Variants in ATRNL1 observed in about 807,000 individuals in gnomAD.
ATRNL1 encodes the protein attractin-like protein 1.
A neutral mutation model predicts 182.7 loss-of-function variants in ATRNL1; 95 were observed. The ratio of observed to expected loss-of-function variants is 0.52; its 90% CI spans 0.44 to 0.62. ATRNL1 has a LOEUF of 0.62. ATRNL1 is among the 20% of genes least tolerant of loss of function. The pLI is 0.00. For synonymous variants in ATRNL1, 576 were observed against 568.3 expected (o/e 1.01, Z -0.19); for missense variants, 1,471 against 1,679.5 (o/e 0.88, Z 2.17).
At chr10:115,914,102 G>C (rs1952770907) in intron 28 of ATRNL1, among the ~76,000 whole-genome samples, 1 of 152,008 alleles carries the variant, frequency 6.6e-6, no homozygotes, top group South Asian at 2.1e-4. Flanking sequence ...GTTTTATAAG[G>C]GGTTTTCCCT....
intron 24 of ATRNL1, among the ~76,000 whole-genome samples, chr10:115,516,740 AC>A (rs1465420758): frequency 1.3e-5 from 2 of 151,822 alleles, no homozygotes; most frequent in Admixed American, 1.3e-4. Context: ...AACATGTCTA[AC>A]CTAATCATCA....
At chr10:115,930,150 T>C (rs982460120) in intron 28 of ATRNL1, among the ~76,000 whole-genome samples, 4 of 152,196 alleles carry the variant, frequency 2.6e-5, no homozygotes, top group Admixed American at 1.3e-4. Flanking sequence ...ATTATCTTAA[T>C]GTGACATTGT....
chr10:115,394,609 G>A, intron 19 of ATRNL1, 50 bp from the exon 20 acceptor site: 1 of 1,320,142 alleles, frequency 7.6e-7, no homozygotes. Flanking sequence ...TGTGAAATGT[G>A]CATGTTTGTG....
At chr10:115,590,488 A>T (rs1167573999) in intron 26 of ATRNL1, among the ~76,000 whole-genome samples, 1 of 152,174 alleles carries the variant, frequency 6.6e-6, no homozygotes, top group African/African-American at 2.4e-5. Flanking sequence ...AAGTAAATAC[A>T]TGAAGAAAAT....
At chr10:115,910,136 G>T (rs1187735694) in intron 28 of ATRNL1, among the ~76,000 whole-genome samples, 1 of 152,064 alleles carries the variant, frequency 6.6e-6, no homozygotes, top group Non-Finnish European at 1.5e-5. Flanking sequence ...ACCAACCTGA[G>T]AAGGGCCATT....
At chr10:115,453,413 T>A (rs1847370042) in intron 21 of ATRNL1, among the ~76,000 whole-genome samples, 1 of 152,158 alleles carries the variant, frequency 6.6e-6, no homozygotes, top group Non-Finnish European at 1.5e-5. Flanking sequence ...TTTCCTTTTA[T>A]GTTTTGGATA....
chr10:115,129,443 T>C lies in ATRNL1; in HGVS notation c.737T>C (p.Ile246Thr), dbSNP rs1034900184. 3 of 1,614,034 alleles carry C rather than the reference T, an allele frequency of 1.9e-6. No homozygotes were observed. The highest frequency in any genetic ancestry group is 2.2e-5 in the East Asian group (1 of 44,886). The change falls in exon 5 of 29, where the codon ATT (isoleucine) becomes ACT (threonine). Residue 246 changes from isoleucine to threonine, a missense_variant. By Grantham distance (89) the Ile-to-Thr change is moderately conservative. Coordinates refer to ENST00000355044, the MANE Select transcript of ATRNL1 (RefSeq NM_207303.4). ...TACTGGAAGGGTGAAGCTTGTGATA[T>C]TCCTTACTGTAAAGCCAATTGCGGC... Reference protein sequence around the residue: ...DKYWKGEACDIPYCKANCGSP... With the variant: ...DKYWKGEACDTPYCKANCGSP...
chr10:115,616,852 C>T (rs147260921), intron 26 of ATRNL1, among the ~76,000 whole-genome samples: 103 of 152,316 alleles, frequency 6.8e-4, no homozygotes, highest in African/African-American at 2.3e-3. Flanking sequence ...CCTGGATGGC[C>T]AGGCAGAAGC....
At chr10:115,346,778 T>C (rs1592494868) in intron 19 of ATRNL1, among the ~76,000 whole-genome samples, 1 of 152,162 alleles carries the variant, frequency 6.6e-6, no homozygotes, top group Admixed American at 6.5e-5. Flanking sequence ...CTTCTAGATA[T>C]GAGGCTCGCA....
intron 26 of ATRNL1, among the ~76,000 whole-genome samples, chr10:115,684,077 G>A (rs536428660): frequency 1.3e-5 from 2 of 151,640 alleles, no homozygotes; most frequent in Non-Finnish European, 1.5e-5. Flanking sequence ...TCCATATACA[G>A]AAATTATTGT....
At chr10:115,162,602 A>G (rs1028848938) in intron 6 of ATRNL1, among the ~76,000 whole-genome samples, 5 of 151,392 alleles carry the variant, frequency 3.3e-5, no homozygotes, top group Middle Eastern at 3.4e-3. Flanking sequence ...AAGTGTTACC[A>G]TGGCGGTTTA....
intron 10 of ATRNL1, among the ~76,000 whole-genome samples, chr10:115,251,989 CTGCCA>C (rs1564852116): frequency 6.6e-6 from 1 of 152,142 alleles, no homozygotes; most frequent in Non-Finnish European, 1.5e-5. Context: ...CTCCCACCTC[CTGCCA>C]ACATGTGCTG....
At chr10:115,169,231 G>A (rs1847188059) in intron 7 of ATRNL1, among the ~76,000 whole-genome samples, 1 of 141,610 alleles carries the variant, frequency 7.1e-6, no homozygotes, top group South Asian at 2.2e-4. Context: ...TTTTGAGACA[G>A]AGTCTTGCTC....
intron 28 of ATRNL1, among the ~76,000 whole-genome samples, chr10:115,905,482 G>A (rs1437062007): frequency 1.3e-5 from 2 of 151,456 alleles, no homozygotes; most frequent in African/African-American, 2.4e-5. Context: ...CACCCACCTC[G>A]GCCTCCCAAA....
chr10:115,133,520 C>A (rs187134992), intron 5 of ATRNL1, among the ~76,000 whole-genome samples: 1,727 of 152,106 alleles, frequency 0.011, 29 homozygotes, highest in African/African-American at 0.039. Context: ...TATATGCACC[C>A]AATACAGGAG....
intron 27 of ATRNL1, among the ~76,000 whole-genome samples, chr10:115,729,440 T>G (rs1307479057): frequency 2.0e-5 from 3 of 152,028 alleles, no homozygotes; most frequent in Middle Eastern, 3.4e-3. Context: ...TTTTTATTGA[T>G]GTTAACACTG....
intron 24 of ATRNL1, among the ~76,000 whole-genome samples, chr10:115,471,224 A>G (rs1848296288): frequency 6.6e-6 from 1 of 150,852 alleles, no homozygotes; most frequent in Non-Finnish European, 1.5e-5. Context: ...GATATAAATC[A>G]CGATTTCTTT....
In ATRNL1 at chr10:115,286,303, T is replaced by C. The variant is rs1264863190; in HGVS notation, c.2321T>C (p.Leu774Pro). Residue 774 changes from leucine to proline, a missense_variant, in exon 15 of 29, where the codon CTT (leucine) becomes CCT (proline). Coordinates refer to ENST00000355044, the MANE Select transcript of ATRNL1 (RefSeq NM_207303.4). ...AGAGAAAACTATGACAATGCAAAAC[T>C]TTATTGCTATAATCTTAGTGGAAAT... ...SSRENYDNAK[L>P]YCYNLSGNLA... 1.2e-6 allele frequency: 2 copies of C among 1,602,844 alleles called. No homozygotes were observed. Among genetic ancestry groups the C allele is most frequent in the Non-Finnish European group, 1.7e-6 (2 of 1,170,502 alleles).
intron 8 of ATRNL1, among the ~76,000 whole-genome samples, chr10:115,206,812 T>C (rs1215152149): frequency 2.0e-5 from 3 of 152,130 alleles, no homozygotes; most frequent in African/African-American, 4.8e-5. Flanking sequence ...CATTAGGTAT[T>C]TCTCCTAATG....
Sources: gnomAD v4.1 joint callset for allele counts (sites outside exome capture counted in the v4.1 genomes callset) on GRCh38, gnomAD v4.1.1 for gene constraint, MANE v1.5 for transcripts, NCBI Gene and HGNC (gene_info 2026-07-23, HGNC 2026-07-21) for gene names.